Variants in YWHAE observed in about 807,000 individuals in gnomAD.
YWHAE encodes 14-3-3 protein epsilon.
Under a neutral mutation model 30.1 loss-of-function variants are expected in YWHAE, and 4 were observed. The ratio of observed to expected loss-of-function variants is 0.13; its 90% CI spans 0.07 to 0.30. YWHAE has a LOEUF of 0.30. Among genes scored for constraint, YWHAE ranks in the 10% least tolerant of loss-of-function variants. The pLI, the probability that YWHAE is intolerant of heterozygous loss-of-function variation, is 1.00. For missense variants in YWHAE, 121 were observed against 315.9 expected, an observed-to-expected ratio of 0.38 and a Z score of 4.68; for synonymous variants, 118 against 111.8, an observed-to-expected ratio of 1.06 and a Z score of -0.35.
intron 1 of YWHAE, among the ~76,000 whole-genome samples, chr17:1,394,568 T>TGCACTTCA (rs2073439049): frequency 6.6e-6 from 1 of 151,470 alleles, no homozygotes; most frequent in Non-Finnish European, 1.5e-5. Context: ...ATGGCGACAC[T>TGCACTTCA]GCACTTCAGC....
intron 4 of YWHAE, among the ~76,000 whole-genome samples, chr17:1,355,895 G>A (rs1235393854): frequency 2.6e-5 from 4 of 152,058 alleles, no homozygotes; most frequent in Non-Finnish European, 5.9e-5. Flanking sequence ...TAGGCCGGGT[G>A]CAGTGGCTCA....
rs184315722 is a variant in YWHAE, at chr17:1,372,408, T to C, written c.65-7350A>G. ...GCTGTGTTCACTGGACTAGCACTTT[T>C]TAATCTCCTTGAAGAACTTTTCCTT... is the stretch of plus-strand genomic sequence containing the variant. On this transcript the variant is annotated intron_variant, in intron 1 of 5. Transcript: ENST00000264335. Among the ~76,000 whole-genome samples the C allele has an allele frequency of 3.5e-3, 534 of 152,338 alleles. 1 individual carries two copies. Among genetic ancestry groups the C allele is most frequent in the Middle Eastern group, 0.01 (3 of 294 alleles).
intron 1 of YWHAE, among the ~76,000 whole-genome samples, chr17:1,375,873 T>C (rs893016114): frequency 8.5e-5 from 13 of 152,204 alleles, no homozygotes; most frequent in Admixed American, 6.5e-5. Context: ...AACAGACTAA[T>C]TCATAAATAA....
chr17:1,349,896 T>A (rs1451629771), intron 5 of YWHAE, among the ~76,000 whole-genome samples: 2 of 151,234 alleles, frequency 1.3e-5, no homozygotes, highest in Admixed American at 6.6e-5. Flanking sequence ...TTAACCGGCG[T>A]GAGCCACTGC....
In YWHAE at chr17:1,392,037, T is replaced by C. The variant is rs570883725; in HGVS notation, c.64+8010A>G. On this transcript the variant is annotated intron_variant, in intron 1 of 5. Transcript: ENST00000264335. Reference sequence around the variant, plus strand: ...AGACCTGGGCAACATGGTAAAATCCTGTCTCTACAAAAATTAGCCAGAAGT... The same window carrying C: ...AGACCTGGGCAACATGGTAAAATCCCGTCTCTACAAAAATTAGCCAGAAGT... Among the ~76,000 whole-genome samples, 7 of 152,204 alleles carry C rather than the reference T, an allele frequency of 4.6e-5. No individual in the cohort carries two copies. In the South Asian group the frequency reaches 1.4e-3, roughly 32 times the overall value.
chr17:1,356,171 A>AAAACACAC (rs1555639545), intron 4 of YWHAE, among the ~76,000 whole-genome samples: 3 of 142,974 alleles, frequency 2.1e-5, no homozygotes, highest in Admixed American at 7.0e-5. Context: ...TCCGTCTAAA[A>AAAACACAC]ACACACACAC....
chr17:1,396,877 C>T (rs1209304016), intron 1 of YWHAE, among the ~76,000 whole-genome samples: 1 of 151,878 alleles, frequency 6.6e-6, no homozygotes, highest in Non-Finnish European at 1.5e-5. Context: ...CCGCCTTGGC[C>T]TCCCAAAGTA....
intron 1 of YWHAE, among the ~76,000 whole-genome samples, chr17:1,374,356 ATTTGGGTTGTTTCC>A (rs1454652331): frequency 2.6e-5 from 4 of 151,948 alleles, no homozygotes; most frequent in Admixed American, 2.0e-4. Context: ...GTTAATGAAC[ATTTGGGTTGTTTCC>A]ATTTTTGGAC....
chr17:1,394,452 A>AAAAAAAAAAAAAAAAAAAAAAC (rs2073435562), intron 1 of YWHAE, among the ~76,000 whole-genome samples: 1 of 150,172 alleles, frequency 6.7e-6, no homozygotes, highest in African/African-American at 2.5e-5. Flanking sequence ...AAAAAAAAAA[A>AAAAAAAAAAAAAAAAAAAAAAC]AAAAAAAAAC....
At chr17:1,398,989 C>A (rs2073518757) in intron 1 of YWHAE, 1 of 152,210 alleles carries the variant, frequency 6.6e-6, no homozygotes, top group Non-Finnish European at 1.5e-5. Flanking sequence ...TTAAGATCCC[C>A]CACGAAGTAC....
rs755663319 is a variant in YWHAE at position 1,354,186 on chromosome 17, C to T, written c.715+25G>A. 6.2e-6 allele frequency: 10 copies of T among 1,605,604 alleles called. No homozygotes were observed. The East Asian group carries it at 2.2e-4, about 36-fold the overall frequency. On this transcript the variant is annotated intron_variant, in intron 5 of 5. Transcript: ENST00000264335. Reference sequence around the variant, plus strand: ...ACAAATCCTGCAACTGAAAGAGGTGCCTGTTTCACTCCGTGCTTGCTTACC... The same window carrying T: ...ACAAATCCTGCAACTGAAAGAGGTGTCTGTTTCACTCCGTGCTTGCTTACC...
chr17:1,364,407 T>C (rs1048900984), intron 2 of YWHAE, among the ~76,000 whole-genome samples: 2 of 152,082 alleles, frequency 1.3e-5, no homozygotes, highest in African/African-American at 2.4e-5. Flanking sequence ...TTTGTATTTT[T>C]AGTAGAGACG....
intron 4 of YWHAE, among the ~76,000 whole-genome samples, chr17:1,357,957 G>A (rs143055402): frequency 6.2e-4 from 94 of 151,358 alleles, no homozygotes; most frequent in African/African-American, 2.2e-3. Flanking sequence ...AAAGACAATA[G>A]CAAAAAACAA....
In YWHAE at chr17:1,359,392, T is replaced by C. The variant is rs571397234; in HGVS notation, c.578+1700A>G. Among the ~76,000 whole-genome samples the C allele has an allele frequency of 5.9e-5, 9 of 151,994 alleles. No homozygotes were observed. In the South Asian group the frequency reaches 1.7e-3, roughly 28 times the overall value. On this transcript the variant is annotated intron_variant, in intron 4 of 5. Coordinates refer to ENST00000264335, the MANE Select transcript of YWHAE (RefSeq NM_006761.5). Reference sequence around the variant, plus strand: ...TACAAGGACTCAAGCAAATACTTAGTGCACCCATTTTCATAGCAGCATTGT... The same window carrying C: ...TACAAGGACTCAAGCAAATACTTAGCGCACCCATTTTCATAGCAGCATTGT...
chr17:1,359,606 T>C (rs1040516088), intron 4 of YWHAE, among the ~76,000 whole-genome samples: 4 of 151,848 alleles, frequency 2.6e-5, no homozygotes, highest in African/African-American at 9.7e-5. Context: ...AGGACAAATA[T>C]TATATGATCC....
At chr17:1,347,395 G>A (rs185692941) in intron 5 of YWHAE, among the ~76,000 whole-genome samples, 30 of 151,682 alleles carry the variant, frequency 2.0e-4, no homozygotes, top group African/African-American at 6.5e-4. Flanking sequence ...AGCTACTTGG[G>A]GGGCTGAGGT....
At chr17:1,388,133 T>G (rs1470013700) in intron 1 of YWHAE, among the ~76,000 whole-genome samples, 12 of 110,000 alleles carry the variant, frequency 1.1e-4, no homozygotes, top group African/African-American at 3.4e-4. Flanking sequence ...TTTTTTTTTT[T>G]TTTTTTTTTA....
chr17:1,389,704 G>T (rs574378551), intron 1 of YWHAE, among the ~76,000 whole-genome samples: 13 of 150,640 alleles, frequency 8.6e-5, no homozygotes, highest in Admixed American at 7.9e-4. Context: ...CTAATTTTTT[G>T]TATTTTTAGT....
intron 1 of YWHAE, among the ~76,000 whole-genome samples, chr17:1,368,496 AG>A (rs2072980695): frequency 6.6e-6 from 1 of 151,004 alleles, no homozygotes; most frequent in Non-Finnish European, 1.5e-5. Context: ...CCCCGGAGAC[AG>A]GGGTTGCACT....
Sources: allele counts gnomAD v4.1 joint callset (sites outside exome capture counted in the v4.1 genomes callset), GRCh38; gene constraint gnomAD v4.1.1; transcripts MANE v1.5; gene names NCBI Gene and HGNC (gene_info 2026-07-23, HGNC 2026-07-21).